Variants in PIGN observed in about 807,000 individuals in gnomAD.
The protein encoded by PIGN is GPI ethanolamine phosphate transferase 1.
In PIGN, 117 loss-of-function variants were observed where a neutral mutation model predicts 125.4. The observed-to-expected ratio is 0.93, with a 90% CI of 0.80 to 1.09. The LOEUF (loss-of-function observed/expected upper bound fraction) is 1.09. Among genes scored for constraint, PIGN ranks in the 50% least tolerant of loss-of-function variants. PIGN has a pLI of 0.00. For synonymous variants in PIGN, 392 were observed against 377.8 expected (o/e 1.04, Z -0.44); for missense variants, 1,075 against 1,094.9 (o/e 0.98, Z 0.26).
At chr18:62,120,205 G>T (rs955696875) in intron 14 of PIGN, among the ~76,000 whole-genome samples, 22 of 106,466 alleles carry the variant, frequency 2.1e-4, no homozygotes, top group Admixed American at 7.2e-4. Context: ...AAAGCAGCTG[G>T]GGGAAGGGGA....
intron 30 of PIGN, among the ~76,000 whole-genome samples, chr18:62,057,247 T>C (rs1353915577): frequency 6.6e-6 from 1 of 152,122 alleles, no homozygotes; most frequent in Non-Finnish European, 1.5e-5. Flanking sequence ...TAATTTAAAT[T>C]TTATATATGC....
At chr18:62,052,763 T>G (rs1002813741) in intron 30 of PIGN, 1 of 179,482 alleles carries the variant, frequency 5.6e-6, no homozygotes, top group African/African-American at 2.4e-5. Flanking sequence ...AGCTGGTTAT[T>G]TTGCTCGTTA....
At position 62,108,110 on chromosome 18, in the gene PIGN, G is replaced by A. The variant is rs146500635; in HGVS notation, c.1575-1025C>T. On this transcript the variant is annotated intron_variant, in intron 17 of 30. Coordinates refer to ENST00000640252, the MANE Select transcript of PIGN (RefSeq NM_176787.5). ...TGCAGAATTTCATCAAAATGAGGAA[G>A]GTGCCATGTAGGAAAGAAAAGCTAA... 3.7e-3 allele frequency among the ~76,000 whole-genome samples: 557 copies of A among 152,228 alleles called. 2 individuals carry two copies. The highest frequency in any genetic ancestry group is 0.012 in the African/African-American group (514 of 41,540).
intron 23 of PIGN, among the ~76,000 whole-genome samples, chr18:62,034,855 T>C (rs746188695): frequency 4.6e-5 from 7 of 152,090 alleles, no homozygotes; most frequent in African/African-American, 7.2e-5. Flanking sequence ...ATTAAGACTT[T>C]GGGGGACTGT....
rs754864969 is a variant in PIGN, at chr18:62,161,361, G to A, written c.-8C>T. On this transcript the variant is annotated 5_prime_UTR_variant, in exon 4 of 31. Transcript: ENST00000640252. ...AGTAAAGAACAGCAGCATATCCAGT[G>A]TAACTAATTAGTCTTCAAGAACAGC... The A allele has an allele frequency of 6.9e-6, 11 of 1,591,856 alleles. No individual in the cohort carries two copies. In the South Asian group the frequency reaches 8.9e-5, roughly 13 times the overall value.
chr18:62,082,043 TAC>T (rs1047809469), intron 28 of PIGN, among the ~76,000 whole-genome samples: 2 of 152,154 alleles, frequency 1.3e-5, no homozygotes, highest in African/African-American at 4.8e-5. Context: ...TCAAGTATTT[TAC>T]AGAGTCCCTG....
intron 7 of PIGN, among the ~76,000 whole-genome samples, chr18:62,152,308 A>G (rs1181287819): frequency 1.3e-5 from 2 of 151,362 alleles, no homozygotes; most frequent in African/African-American, 2.4e-5. Context: ...TTTTAATTTT[A>G]TTATTATTAT....
At chr18:62,145,789 G>A (rs946371627) in intron 10 of PIGN, 120 bp downstream of exon 10, 3 of 608,450 alleles carry the variant, frequency 4.9e-6, no homozygotes, top group Admixed American at 2.6e-5. Context: ...AAATAGTAAT[G>A]GCACAAATGT....
At chr18:62,114,948 T>C (rs2035032402) in intron 14 of PIGN, among the ~76,000 whole-genome samples, 1 of 152,174 alleles carries the variant, frequency 6.6e-6, no homozygotes, top group Non-Finnish European at 1.5e-5. Context: ...TTGAAGTAAT[T>C]AGCAGAACAC....
chr18:62,027,672 T>C lies in PIGN; in HGVS notation c.2143-9931A>G, dbSNP rs1345666588. Among the ~76,000 whole-genome samples the C allele has an allele frequency of 2.0e-5, 3 of 152,176 alleles. No homozygotes were observed. In the East Asian group the frequency reaches 5.8e-4, roughly 29 times the overall value. On this transcript the variant is annotated intron_variant, in intron 23 of 24. Coordinates refer to the PIGN transcript ENST00000639600. ...GACTTTGAATAGAATGGGAGACAGG[T>C]TTGCCCTGAACAGGTCCTAGTTTGA...
chr18:62,061,417 C>CA (rs1289523230), intron 30 of PIGN, among the ~76,000 whole-genome samples: 383 of 116,556 alleles, frequency 3.3e-3, no homozygotes, highest in East Asian at 4.5e-3. Context: ...GGAATAAATG[C>CA]AAAAAAAAAA....
At chr18:62,092,511 T>C (rs1309559638) in intron 23 of PIGN, among the ~76,000 whole-genome samples, 3 of 152,116 alleles carry the variant, frequency 2.0e-5, no homozygotes, top group Non-Finnish European at 2.9e-5. Context: ...TAATAAAAAG[T>C]TGAAACAAAA....
At chr18:62,132,769 C>T (rs758128797) in intron 14 of PIGN, among the ~76,000 whole-genome samples, 2 of 152,184 alleles carry the variant, frequency 1.3e-5, no homozygotes, top group Non-Finnish European at 2.9e-5. Flanking sequence ...ATAGACCTCA[C>T]ACTTTTACTT....
chr18:62,171,785 T>C (rs1419327985), intron 1 of PIGN, among the ~76,000 whole-genome samples: 3 of 152,200 alleles, frequency 2.0e-5, no homozygotes, highest in Non-Finnish European at 4.4e-5. Context: ...TGATTAAATT[T>C]CAAATGTTAA....
chr18:62,039,954 G>A (rs1209196551), downstream of PIGN, among the ~76,000 whole-genome samples: 98 of 49,918 alleles, frequency 2.0e-3, no homozygotes, highest in African/African-American at 7.7e-3. Context: ...CCAGGGTGCC[G>A]CACATCATGT....
intron 30 of PIGN, among the ~76,000 whole-genome samples, chr18:62,063,263 A>ATCCAAAATCTAC (rs1568132052): frequency 6.7e-6 from 1 of 148,958 alleles, no homozygotes; most frequent in African/African-American, 2.5e-5. Context: ...TATAGATTTT[A>ATCCAAAATCTAC]GCCAAAATCT....
At chr18:62,053,122 G>T (rs909123311) in intron 30 of PIGN, among the ~76,000 whole-genome samples, 26 of 152,154 alleles carry the variant, frequency 1.7e-4, no homozygotes, top group Non-Finnish European at 3.5e-4. Flanking sequence ...GTATGACATG[G>T]TTTCAAATGT....
rs1362399764 is a variant in PIGN, at chr18:62,041,801, T to C, written c.*4055A>G. 6.6e-6 allele frequency: 1 copy of C among 151,268 alleles called. No homozygotes were observed. Among genetic ancestry groups the C allele is most frequent in the Non-Finnish European group, 1.5e-5 (1 of 67,890 alleles). The allele number at this position is 151,268 out of a possible 1,614,324, so 9.4% of individuals were successfully genotyped here. On this transcript the variant is annotated 3_prime_UTR_variant, in exon 31 of 31. Transcript: ENST00000640252. ...ACCTCGGCCTCCCAAAGTGCTGGAA[T>C]TACAGGGGTGAGCCACCAAGCCCGG...
At chr18:62,155,216 A>G (rs1429367734) in intron 6 of PIGN, among the ~76,000 whole-genome samples, 2 of 152,216 alleles carry the variant, frequency 1.3e-5, no homozygotes, top group Non-Finnish European at 2.9e-5. Context: ...GCAAGAGTGT[A>G]TTAAGAATCT....
Sources: allele counts gnomAD v4.1 joint callset (sites outside exome capture counted in the v4.1 genomes callset), GRCh38; gene constraint gnomAD v4.1.1; transcripts MANE v1.5; gene names NCBI Gene and HGNC (gene_info 2026-07-23, HGNC 2026-07-21).